CIMAP1A: variants seen among roughly 807,000 people sequenced by gnomAD.
The protein encoded by CIMAP1A is cancer/testis antigen 135.
At chr11:197,268 C>CA in the CIMAP1A span, 3 of 1,466,432 alleles carry the variant, frequency 2.0e-6, no homozygotes, top group Non-Finnish European at 1.9e-6. Context: ...GGCCTCCCAG[C>CA]ACCTGGTAAC....
the CIMAP1A span, chr11:198,815 C>A: frequency 7.2e-7 from 1 of 1,396,356 alleles, no homozygotes; most frequent in South Asian, 1.7e-5. Flanking sequence ...GTGCTGAGGA[C>A]AAGAGATGGG....
At chr11:197,978 C>A in the CIMAP1A span, 1 of 1,530,340 alleles carries the variant, frequency 6.5e-7, no homozygotes, top group Non-Finnish European at 8.7e-7. Flanking sequence ...CTCTGCCAGG[C>A]CGACGTCAGA....
the CIMAP1A span, chr11:199,328 C>T: frequency 6.4e-7 from 1 of 1,552,604 alleles, no homozygotes; most frequent in Non-Finnish European, 8.7e-7. Context: ...GCCACACGCC[C>T]TGGGTAGGCC....
At chr11:197,625 G>C in the CIMAP1A span, 1 of 1,613,524 alleles carries the variant, frequency 6.2e-7, no homozygotes, top group East Asian at 2.2e-5. Flanking sequence ...GGGCCCCCAT[G>C]CTCCTGGCAG....
At chr11:197,370 C>T in the CIMAP1A span, 5 of 1,598,998 alleles carry the variant, frequency 3.1e-6, no homozygotes, top group East Asian at 1.1e-4. Flanking sequence ...TCATGGCCCT[C>T]TACAGCAGCC....
At chr11:198,506 C>T in the CIMAP1A span, 88 of 1,613,112 alleles carry the variant, frequency 5.5e-5, no homozygotes, top group Non-Finnish European at 7.1e-5. Flanking sequence ...GGGCCCAATA[C>T]CGTCGGCAAG....
chr11:199,991 A>T, the CIMAP1A span: 25 of 1,613,942 alleles, frequency 1.5e-5, no homozygotes, highest in Non-Finnish European at 2.1e-5. Flanking sequence ...TCGGCATCAA[A>T]CACTCTGATT....
chr11:198,293 C>T, the CIMAP1A span: 6 of 1,613,984 alleles, frequency 3.7e-6, no homozygotes, highest in Non-Finnish European at 5.1e-6. Flanking sequence ...GAGTGGACAG[C>T]ACCCCAGGTC....
At chr11:198,016 T>G in the CIMAP1A span, 1 of 1,538,038 alleles carries the variant, frequency 6.5e-7, no homozygotes, top group Non-Finnish European at 8.7e-7. Flanking sequence ...AAAAATAGCC[T>G]TTGTCTCACC....
At chr11:199,068 G>C in the CIMAP1A span, 1 of 1,264,706 alleles carries the variant, frequency 7.9e-7, no homozygotes. Context: ...CAGGCCCTCA[G>C]GTCCAACAGG....
At chr11:199,894 G>A in the CIMAP1A span, 1 of 1,605,104 alleles carries the variant, frequency 6.2e-7, no homozygotes, top group South Asian at 1.1e-5. Context: ...GCAGAGACCT[G>A]CAGGTGGGGG....
chr11:197,259 G>A, the CIMAP1A span: 1 of 1,400,764 alleles, frequency 7.1e-7, no homozygotes, highest in Non-Finnish European at 9.8e-7. Context: ...ACAGGGCCGG[G>A]CCTCCCAGCA....
At chr11:196,927 T>C in the CIMAP1A span, 1 of 169,984 alleles carries the variant, frequency 5.9e-6, no homozygotes, top group Non-Finnish European at 1.3e-5. Flanking sequence ...GAAGTTATAG[T>C]TCCCTCCCAG....
the CIMAP1A span, chr11:199,540 GGGT>G: frequency 6.5e-7 from 1 of 1,544,576 alleles, no homozygotes; most frequent in Non-Finnish European, 8.7e-7. Context: ...AGAGGGGTCA[GGGT>G]GGGGCAGGGT....
At chr11:199,417 T>TTCAAGG in the CIMAP1A span, 1 of 1,574,650 alleles carries the variant, frequency 6.4e-7, no homozygotes. Flanking sequence ...GGTGACCAAG[T>TTCAAGG]TCAAGGCTCC....
chr11:199,974 G>T, the CIMAP1A span: 3 of 1,613,994 alleles, frequency 1.9e-6, no homozygotes, highest in African/African-American at 4.0e-5. Context: ...CGCCCCAGTT[G>T]TCACCTTCGG....
chr11:199,474 C>G, the CIMAP1A span: 9 of 1,561,048 alleles, frequency 5.8e-6, no homozygotes, highest in African/African-American at 1.4e-5. Context: ...GGACAAGACC[C>G]TCAAGCCAGG....
chr11:198,785 C>A, the CIMAP1A span: 1 of 1,429,304 alleles, frequency 7.0e-7, no homozygotes, highest in East Asian at 2.5e-5. Flanking sequence ...AAGGGAGACG[C>A]CCTGGCCCCA....
At chr11:199,972 T>G in the CIMAP1A span, 2 of 1,614,122 alleles carry the variant, frequency 1.2e-6, no homozygotes, top group Non-Finnish European at 1.7e-6. Context: ...TGCGCCCCAG[T>G]TGTCACCTTC....
Sources: gnomAD v4.1 joint callset for allele counts on GRCh38, gnomAD v4.1.1 for gene constraint, MANE v1.5 for transcripts, NCBI Gene and HGNC (gene_info 2026-07-23, HGNC 2026-07-21) for gene names.